WDR7: variants seen among roughly 807,000 people sequenced by gnomAD.
The protein encoded by WDR7 is WD repeat-containing protein 7.
A neutral mutation model predicts 169.4 loss-of-function variants in WDR7; 46 were observed. That is an observed-to-expected ratio of 0.27 (90% CI 0.21 to 0.35). The LOEUF is 0.35. WDR7 is among the 10% of genes least tolerant of loss of function. The pLI, the probability that WDR7 is intolerant of heterozygous loss-of-function variation, is 1.00. For synonymous variants in WDR7, 612 were observed against 666.8 expected (o/e 0.92, Z 1.27); for missense variants, 1,534 against 1,859.3 (o/e 0.83, Z 3.22).
chr18:56,871,682 A>G (rs529801911), intron 20 of WDR7, among the ~76,000 whole-genome samples: 3 of 152,252 alleles, frequency 2.0e-5, no homozygotes, highest in African/African-American at 7.2e-5. Context: ...TACTAAATTT[A>G]GACAATATTT....
At chr18:57,019,531 G>A (rs981331002) in intron 26 of WDR7, among the ~76,000 whole-genome samples, 1 of 151,742 alleles carries the variant, frequency 6.6e-6, no homozygotes. Context: ...TTTTTTTTGA[G>A]TGTTAGAAAA....
At chr18:57,004,783 A>G (rs566729343) in intron 26 of WDR7, among the ~76,000 whole-genome samples, 1 of 152,244 alleles carries the variant, frequency 6.6e-6, no homozygotes, top group East Asian at 1.9e-4. Flanking sequence ...CTCTTTTTTA[A>G]CTTTGCAAGC....
In WDR7 at chr18:56,718,078, G is replaced by A; in HGVS notation, c.1693G>A (p.Val565Ile). Residue 565 changes from valine (V) to isoleucine (I), a missense_variant, in exon 13 of 28, where the codon GTA becomes ATA. Coordinates refer to ENST00000254442, the MANE Select transcript of WDR7 (RefSeq NM_015285.3). ...LASRHLFPIQ[V>I]IKWRPSDDYL... ...ATCTCGTCACCTTTTTCCTATTCAAGTAATCAAATGGAGGCCTTCTGATGA... is the reference window on the plus strand; with the variant it reads ...ATCTCGTCACCTTTTTCCTATTCAAATAATCAAATGGAGGCCTTCTGATGA... 1 of 1,614,154 alleles carries A rather than the reference G, an allele frequency of 6.2e-7. No individual in the cohort carries two copies. Among genetic ancestry groups the A allele is most frequent in the Non-Finnish European group, 8.5e-7 (1 of 1,180,000 alleles).
At chr18:56,669,777 A>AT (rs564396154) in intron 1 of WDR7, among the ~76,000 whole-genome samples, 7 of 151,920 alleles carry the variant, frequency 4.6e-5, no homozygotes, top group Admixed American at 1.3e-4. Flanking sequence ...TAAAAATATA[A>AT]TTTTTTTTAT....
chr18:56,986,732 A>T (rs1231256901), intron 26 of WDR7, among the ~76,000 whole-genome samples: 3 of 141,172 alleles, frequency 2.1e-5, no homozygotes, highest in Non-Finnish European at 3.0e-5. Context: ...GGGGGAAAAT[A>T]AAAAAAAAAT....
chr18:56,988,586 G>A (rs2047759667), intron 26 of WDR7, among the ~76,000 whole-genome samples: 1 of 123,068 alleles, frequency 8.1e-6, no homozygotes, highest in Non-Finnish European at 1.7e-5. Context: ...CCTCATGGAA[G>A]GCAAGTGTGT....
intron 22 of WDR7, among the ~76,000 whole-genome samples, chr18:56,928,657 T>G (rs1045640304): frequency 4.6e-5 from 7 of 152,162 alleles, no homozygotes; most frequent in Non-Finnish European, 7.4e-5. Context: ...AGTCCTTCTA[T>G]TGAATGCTTA....
intron 12 of WDR7, among the ~76,000 whole-genome samples, chr18:56,710,600 ATTTTC>A (rs1205228129): frequency 6.6e-6 from 1 of 152,106 alleles, no homozygotes. Flanking sequence ...ATTTAGGATT[ATTTTC>A]TTTGGATATA....
intron 22 of WDR7, among the ~76,000 whole-genome samples, chr18:56,929,025 C>T (rs940376888): frequency 1.3e-5 from 2 of 152,104 alleles, no homozygotes; most frequent in African/African-American, 2.4e-5. Context: ...TGGTTCACAC[C>T]TGTAATCCCA....
chr18:56,745,078 T>C (rs1345047113), intron 14 of WDR7, among the ~76,000 whole-genome samples: 1 of 152,200 alleles, frequency 6.6e-6, no homozygotes, highest in African/African-American at 2.4e-5. Flanking sequence ...CAGGCTAATT[T>C]GGGAGTAGGG....
intron 19 of WDR7, among the ~76,000 whole-genome samples, chr18:56,812,086 G>A (rs1264044195): frequency 1.3e-5 from 2 of 152,014 alleles, no homozygotes; most frequent in African/African-American, 2.4e-5. Context: ...TGAATCTTCC[G>A]ATTCCATGAA....
At chr18:56,723,452 A>G (rs182216037) in intron 13 of WDR7, among the ~76,000 whole-genome samples, 2 of 151,906 alleles carry the variant, frequency 1.3e-5, no homozygotes, top group East Asian at 3.9e-4. Flanking sequence ...ACTCTATTTT[A>G]TCTTCATTTT....
chr18:56,956,163 C>T (rs1167733899), intron 25 of WDR7, among the ~76,000 whole-genome samples: 3 of 152,130 alleles, frequency 2.0e-5, no homozygotes, highest in African/African-American at 7.2e-5. Flanking sequence ...GTCACCATCC[C>T]AGAATAAGAG....
At chr18:56,699,291 G>T (rs1051650646) in intron 12 of WDR7, among the ~76,000 whole-genome samples, 13 of 152,156 alleles carry the variant, frequency 8.5e-5, no homozygotes, top group African/African-American at 2.7e-4. Flanking sequence ...TTTAGAAAAT[G>T]TGTGGCTGAG....
chr18:56,723,540 C>T (rs1025698520), intron 13 of WDR7, among the ~76,000 whole-genome samples: 1 of 152,080 alleles, frequency 6.6e-6, no homozygotes, highest in Non-Finnish European at 1.5e-5. Flanking sequence ...CAGCTGTCTT[C>T]TGGGTTGCAT....
intron 1 of WDR7, among the ~76,000 whole-genome samples, chr18:56,666,146 T>A (rs1014288414): frequency 8.7e-5 from 13 of 149,876 alleles, no homozygotes; most frequent in Non-Finnish European, 3.0e-5. Flanking sequence ...GAAGGAAGAT[T>A]TGGGCACATA....
intron 25 of WDR7, among the ~76,000 whole-genome samples, chr18:56,959,621 G>A (rs2047309440): frequency 6.6e-6 from 1 of 152,066 alleles, no homozygotes; most frequent in Non-Finnish European, 1.5e-5. Flanking sequence ...ATTTCCAGAA[G>A]GCTCAACACA....
At chr18:56,911,634 G>A (rs1034645334) in intron 21 of WDR7, among the ~76,000 whole-genome samples, 1 of 152,142 alleles carries the variant, frequency 6.6e-6, no homozygotes, top group African/African-American at 2.4e-5. Context: ...TGCGTAAAGG[G>A]TTAACACTCA....
At chr18:56,788,579 G>A (rs1342213892) in intron 19 of WDR7, among the ~76,000 whole-genome samples, 1 of 151,980 alleles carries the variant, frequency 6.6e-6, no homozygotes, top group Admixed American at 6.6e-5. Context: ...TGTCCCTCTT[G>A]GTTCCTCACT....
Sources: allele counts gnomAD v4.1 joint callset (sites outside exome capture counted in the v4.1 genomes callset), GRCh38; gene constraint gnomAD v4.1.1; transcripts MANE v1.5; gene names NCBI Gene and HGNC (gene_info 2026-07-23, HGNC 2026-07-21).